The following KCNH8 variants were observed in gnomAD, a reference collection of about 807,000 sequenced individuals.
KCNH8 encodes potassium voltage-gated channel subfamily H member 8, also known as voltage-gated delayed rectifier potassium channel KCNH8.
A neutral mutation model predicts 103.6 loss-of-function variants in KCNH8; 70 were observed. The observed-to-expected ratio is 0.68, with a 90% CI of 0.56 to 0.82. The LOEUF (loss-of-function observed/expected upper bound fraction) is 0.82. Ranked by LOEUF, KCNH8 falls within the 40% of genes least tolerant of loss-of-function variation. KCNH8 has a pLI of 0.00. For missense variants in KCNH8, 1,217 were observed against 1,329.9 expected (o/e 0.92, Z 1.32); for synonymous variants, 498 against 489.4 (o/e 1.02, Z -0.23).
intron 1 of KCNH8, among the ~76,000 whole-genome samples, chr3:19,187,551 A>G (rs1211527570): frequency 1.3e-5 from 2 of 151,990 alleles, no homozygotes; most frequent in Non-Finnish European, 2.9e-5. Context: ...AGTAAAAAAT[A>G]CTGTTCTGTG....
chr3:19,255,102 G>C (rs867089767), intron 2 of KCNH8, among the ~76,000 whole-genome samples: 4 of 152,234 alleles, frequency 2.6e-5, no homozygotes, highest in African/African-American at 9.6e-5. Flanking sequence ...ATAGGAAGCA[G>C]AAGAGGCACT....
chr3:19,514,002 ATG>A (rs144416545), intron 13 of KCNH8, among the ~76,000 whole-genome samples: 8,272 of 148,738 alleles, frequency 0.056, 231 homozygotes, highest in South Asian at 0.076. Flanking sequence ...TGAAAAAAAT[ATG>A]TATTACTTTT....
chr3:19,293,291 C>G (rs557498868), intron 3 of KCNH8, among the ~76,000 whole-genome samples: 1 of 152,030 alleles, frequency 6.6e-6, no homozygotes, highest in South Asian at 2.1e-4. Context: ...TGAGACGAAA[C>G]TGGAAATGAT....
At chr3:19,372,080 G>A (rs2066106695) in intron 5 of KCNH8, among the ~76,000 whole-genome samples, 1 of 152,186 alleles carries the variant, frequency 6.6e-6, no homozygotes, top group Non-Finnish European at 1.5e-5. Context: ...GCTGAGGATT[G>A]ACTTGGCGAT....
chr3:19,432,674 G>T (rs1401264168), intron 7 of KCNH8, among the ~76,000 whole-genome samples: 1 of 152,084 alleles, frequency 6.6e-6, no homozygotes, highest in Non-Finnish European at 1.5e-5. Flanking sequence ...ACCTATTTAA[G>T]CCACGAGAAA....
chr3:19,526,283 G>T (rs751285895), intron 15 of KCNH8, among the ~76,000 whole-genome samples: 2 of 151,850 alleles, frequency 1.3e-5, no homozygotes, highest in Non-Finnish European at 2.9e-5. Context: ...TCTGCTCACT[G>T]AATGCACAAA....
chr3:19,507,719 T>C (rs2068719594), intron 11 of KCNH8, among the ~76,000 whole-genome samples: 1 of 152,010 alleles, frequency 6.6e-6, no homozygotes, highest in Non-Finnish European at 1.5e-5. Context: ...TGGAAAAAGG[T>C]CTGGCTGCTT....
chr3:19,448,080 C>T (rs1489513224), intron 8 of KCNH8, among the ~76,000 whole-genome samples: 1 of 151,882 alleles, frequency 6.6e-6, no homozygotes, highest in East Asian at 1.9e-4. Context: ...GCTGAAAATT[C>T]ATAACATGTT....
intron 11 of KCNH8, among the ~76,000 whole-genome samples, chr3:19,462,654 CA>C: frequency 6.6e-6 from 1 of 152,260 alleles, no homozygotes; most frequent in East Asian, 1.9e-4. Flanking sequence ...AATTAGATCC[CA>C]TTTGTCAATT....
intron 1 of KCNH8, among the ~76,000 whole-genome samples, chr3:19,212,563 A>C (rs2063781310): frequency 6.6e-6 from 1 of 152,180 alleles, no homozygotes; most frequent in African/African-American, 2.4e-5. Flanking sequence ...ACATGTCTCA[A>C]GGCATCTAGC....
intron 1 of KCNH8, among the ~76,000 whole-genome samples, chr3:19,251,399 G>A (rs1043070123): frequency 1.3e-5 from 2 of 152,072 alleles, no homozygotes; most frequent in Admixed American, 6.5e-5. Flanking sequence ...TTCAGAGGGG[G>A]AGAGTGGCTG....
At chr3:19,389,773 A>G (rs926776514) in intron 5 of KCNH8, among the ~76,000 whole-genome samples, 1 of 152,000 alleles carries the variant, frequency 6.6e-6, no homozygotes, top group African/African-American at 2.4e-5. Flanking sequence ...GACTACAGAC[A>G]TGTGCCAGTA....
intron 7 of KCNH8, among the ~76,000 whole-genome samples, chr3:19,423,820 A>G (rs947368683): frequency 6.6e-6 from 1 of 152,132 alleles, no homozygotes; most frequent in Non-Finnish European, 1.5e-5. Flanking sequence ...CCTGGATCAA[A>G]TGGTAGTTCT....
At chr3:19,254,270 C>A (rs1196638454) in intron 2 of KCNH8, among the ~76,000 whole-genome samples, 1 of 151,918 alleles carries the variant, frequency 6.6e-6, no homozygotes, top group African/African-American at 2.4e-5. Flanking sequence ...CTTTAAAGAA[C>A]TACATCTCAA....
chr3:19,175,933 C>T (rs2063395484), intron 1 of KCNH8, among the ~76,000 whole-genome samples: 1 of 152,170 alleles, frequency 6.6e-6, no homozygotes, highest in African/African-American at 2.4e-5. Flanking sequence ...TCAGATTTCA[C>T]ATTTTCCTCA....
chr3:19,512,573 C>G (rs1471980186), intron 12 of KCNH8, among the ~76,000 whole-genome samples: 1 of 152,116 alleles, frequency 6.6e-6, no homozygotes, highest in Admixed American at 6.6e-5. Flanking sequence ...AATAACAAGG[C>G]CTAAGACCCT....
At chr3:19,299,312 A>G (rs1397658040) in intron 3 of KCNH8, among the ~76,000 whole-genome samples, 2 of 152,094 alleles carry the variant, frequency 1.3e-5, no homozygotes, top group Non-Finnish European at 2.9e-5. Context: ...CTGGCCAGAC[A>G]CAGTGTCTGA....
intron 7 of KCNH8, among the ~76,000 whole-genome samples, chr3:19,430,432 A>G (rs1489822548): frequency 6.7e-6 from 1 of 148,640 alleles, no homozygotes; most frequent in Admixed American, 6.7e-5. Context: ...TTTTGTTTTT[A>G]TTTGTTTTGC....
At chr3:19,334,068 G>A (rs548259217) in intron 3 of KCNH8, among the ~76,000 whole-genome samples, 5 of 152,290 alleles carry the variant, frequency 3.3e-5, no homozygotes, top group African/African-American at 1.2e-4. Context: ...AGCTAAAACT[G>A]GGTGCTCTGC....
Sources: allele counts gnomAD v4.1 joint callset (sites outside exome capture counted in the v4.1 genomes callset), GRCh38; gene constraint gnomAD v4.1.1; transcripts MANE v1.5; gene names NCBI Gene and HGNC (gene_info 2026-07-23, HGNC 2026-07-21).